The following ROS1 variants were observed in gnomAD, a reference collection of about 807,000 sequenced individuals.
ROS1 encodes proto-oncogene tyrosine-protein kinase ROS.
In ROS1, 263 loss-of-function variants were observed where a neutral mutation model predicts 273.5. The ratio of observed to expected loss-of-function variants is 0.96; its 90% CI spans 0.87 to 1.06. ROS1 has a LOEUF of 1.06. Ranked by LOEUF, ROS1 falls within the 50% of genes least tolerant of loss-of-function variation. The pLI, the probability that ROS1 is intolerant of heterozygous loss-of-function variation, is 0.00. For missense variants in ROS1, 2,833 were observed against 2,751.1 expected, an observed-to-expected ratio of 1.03 and a Z score of -0.67; for synonymous variants, 1,008 against 954.1, an observed-to-expected ratio of 1.06 and a Z score of -1.04.
chr6:117,333,936 A>G (rs781320060), intron 32 of ROS1, among the ~76,000 whole-genome samples: 2 of 152,172 alleles, frequency 1.3e-5, no homozygotes, highest in Non-Finnish European at 2.9e-5. Context: ...AACCAGTACA[A>G]GACAAGGGTG....
chr6:117,408,462 A>T (rs1450715642), intron 5 of ROS1, among the ~76,000 whole-genome samples: 11 of 152,228 alleles, frequency 7.2e-5, no homozygotes, highest in African/African-American at 2.7e-4. Context: ...CACATGAAAA[A>T]ATGCTCATCA....
At chr6:117,397,173 A>C in intron 7 of ROS1, 57 bp from the exon 8 acceptor site, 1 of 1,169,662 alleles carries the variant, frequency 8.5e-7, no homozygotes, top group Non-Finnish European at 1.2e-6. Context: ...TGATGTTTTT[A>C]AAATAAGATG....
intron 31 of ROS1, among the ~76,000 whole-genome samples, chr6:117,338,705 T>C (rs1360337690): frequency 6.6e-6 from 1 of 152,002 alleles, no homozygotes; most frequent in East Asian, 1.9e-4. Flanking sequence ...CGCTGGAAAA[T>C]GGTAGAGTGT....
intron 18 of ROS1, among the ~76,000 whole-genome samples, chr6:117,376,115 G>A (rs1219492490): frequency 6.6e-6 from 1 of 151,972 alleles, no homozygotes; most frequent in Non-Finnish European, 1.5e-5. Context: ...CAGATTATTT[G>A]AAAAGATAAA....
chr6:117,409,674 C>A (rs1774744181), intron 4 of ROS1, 32 bp from the exon 5 acceptor site: 8 of 1,584,476 alleles, frequency 5.0e-6, no homozygotes, highest in Middle Eastern at 1.7e-4. Flanking sequence ...ACAGTCAGGG[C>A]AGCCTTGATA....
At chr6:117,367,115 G>A (rs1056206995) in intron 18 of ROS1, among the ~76,000 whole-genome samples, 10 of 152,276 alleles carry the variant, frequency 6.6e-5, no homozygotes, top group African/African-American at 2.4e-4. Context: ...TAGAGGTGAA[G>A]CAGAAGGGCT....
At chr6:117,317,020 A>T (rs1775968876) in intron 39 of ROS1, 123 bp downstream of exon 39, 1 of 1,035,274 alleles carries the variant, frequency 9.7e-7, no homozygotes, top group African/African-American at 1.6e-5. Context: ...GAAACAGAAT[A>T]ATTCTTTCCA....
At chr6:117,307,711 C>T (rs1775211640) in intron 42 of ROS1, among the ~76,000 whole-genome samples, 1 of 152,090 alleles carries the variant, frequency 6.6e-6, no homozygotes, top group African/African-American at 2.4e-5. Context: ...CTTCTTCTAG[C>T]TGGAAGATTT....
chr6:117,361,912 T>C (rs1779832774), intron 22 of ROS1, among the ~76,000 whole-genome samples: 1 of 152,172 alleles, frequency 6.6e-6, no homozygotes, highest in South Asian at 2.1e-4. Context: ...CTTTATAGTA[T>C]GAGGATCAAA....
intron 18 of ROS1, among the ~76,000 whole-genome samples, chr6:117,376,689 G>T (rs1253545590): frequency 6.6e-6 from 1 of 151,578 alleles, no homozygotes; most frequent in African/African-American, 2.4e-5. Flanking sequence ...AGATACCTAG[G>T]CATTAACCTA....
rs1353818269 is a variant in ROS1, at chr6:117,383,346, G to A, written c.2452C>T (p.Gln818Ter). Residue 818 changes from glutamine to a stop codon, truncating the protein, a stop_gained, in exon 17 of 44, where the codon CAG becomes TAG. Coordinates refer to ENST00000368507, the MANE Select transcript of ROS1 (RefSeq NM_001378902.1). LOFTEE classifies it high-confidence loss of function. ...RLNGESSLVL[Q>*]TQPWFSGKKV... ...TTCCCAGAAAACCAAGGCTGTGTCT[G>A]TAGTACAAGGGAACTTTCCCCATTT... 6 of 1,613,898 alleles carry A rather than the reference G, an allele frequency of 3.7e-6. No individual in the cohort carries two copies. The highest frequency in any genetic ancestry group is 3.4e-6 in the Non-Finnish European group (4 of 1,179,816).
At chr6:117,350,872 T>C (rs895261649) in intron 27 of ROS1, among the ~76,000 whole-genome samples, 4 of 152,142 alleles carry the variant, frequency 2.6e-5, no homozygotes, top group Non-Finnish European at 5.9e-5. Context: ...TTTGCTCACA[T>C]TGACCATCTG....
chr6:117,385,261 A>G (rs1201275964), intron 16 of ROS1, among the ~76,000 whole-genome samples: 1 of 152,208 alleles, frequency 6.6e-6, no homozygotes, highest in Non-Finnish European at 1.5e-5. Context: ...ACATATTTTA[A>G]AAGTGAGATG....
chr6:117,398,531 T>C (rs1260341531), intron 7 of ROS1, among the ~76,000 whole-genome samples: 1 of 151,908 alleles, frequency 6.6e-6, no homozygotes, highest in Non-Finnish European at 1.5e-5. Flanking sequence ...TTACAAAAAT[T>C]AGCCAGGCAT....
chr6:117,353,494 A>G (rs907495280), intron 26 of ROS1, among the ~76,000 whole-genome samples: 3 of 152,216 alleles, frequency 2.0e-5, no homozygotes, highest in African/African-American at 7.2e-5. Flanking sequence ...ATGTGACTCA[A>G]AATCAAATAA....
chr6:117,340,635 C>T (rs371088897), intron 31 of ROS1, among the ~76,000 whole-genome samples: 4 of 152,154 alleles, frequency 2.6e-5, no homozygotes, highest in South Asian at 2.1e-4. Flanking sequence ...TTGGTTAAAG[C>T]GTGAAAAGTT....
intron 4 of ROS1, among the ~76,000 whole-genome samples, chr6:117,411,472 C>T (rs1294262913): frequency 3.3e-5 from 5 of 152,126 alleles, no homozygotes; most frequent in Admixed American, 1.3e-4. Context: ...GAATATTCCA[C>T]GTTACTGAGC....
In ROS1 at chr6:117,425,642, G is replaced by A. The variant is rs2128753475; in HGVS notation, c.15C>T (p.Tyr5=). MKNI[Y]CLIPKLVNFA... ...AATTGACAAGCTTCGGAATAAGACA[G>A]TAAATGTTCTTCATCACTTCACCAA... Residue 5 remains tyrosine (Y), a synonymous_variant, in exon 1 of 44, where the codon TAC becomes TAT. Transcript: ENST00000368507. 1.2e-6 allele frequency: 2 copies of A among 1,611,320 alleles called. No homozygotes were observed. Among genetic ancestry groups the A allele is most frequent in the Non-Finnish European group, 1.7e-6 (2 of 1,178,980 alleles).
At chr6:117,384,426 A>G (rs150305275) in intron 16 of ROS1, among the ~76,000 whole-genome samples, 1 of 152,304 alleles carries the variant, frequency 6.6e-6, no homozygotes, top group African/African-American at 2.4e-5. Context: ...ATCACAACAA[A>G]GTTGTTTTTA....
Sources: gnomAD v4.1 joint callset for allele counts (sites outside exome capture counted in the v4.1 genomes callset) on GRCh38, gnomAD v4.1.1 for gene constraint, MANE v1.5 for transcripts, NCBI Gene and HGNC (gene_info 2026-07-23, HGNC 2026-07-21) for gene names.